The following BICD1 variants were observed in gnomAD, a reference collection of about 807,000 sequenced individuals.
BICD1 encodes the protein BICD cargo adaptor 1.
In BICD1, 35 loss-of-function variants were observed where a neutral mutation model predicts 92.5. That is an observed-to-expected ratio of 0.38 (90% CI 0.29 to 0.50). BICD1 has a LOEUF of 0.50. Ranked by LOEUF, BICD1 falls within the 20% of genes least tolerant of loss-of-function variation. The pLI is 0.93. For synonymous variants in BICD1, 429 were observed against 465.1 expected (o/e 0.92, Z 1.00); for missense variants, 950 against 1,189.8 (o/e 0.80, Z 2.97).
rs534702176 is a variant in BICD1, at chr12:32,304,031, G to A, written c.580-1666G>A. ...AGAGCTTGCAGTGAGCCGAGATCACGCCACTGCACTCCAGCCTGGGCGACA... is the reference window on the plus strand; with the variant it reads ...AGAGCTTGCAGTGAGCCGAGATCACACCACTGCACTCCAGCCTGGGCGACA... On this transcript the variant is annotated intron_variant, in intron 3 of 9. Transcript: ENST00000652176. 1.7e-3 allele frequency among the ~76,000 whole-genome samples: 264 copies of A among 151,770 alleles called. 7 individuals carry two copies. In the South Asian group the frequency reaches 0.049, roughly 28 times the overall value.
intron 3 of BICD1, among the ~76,000 whole-genome samples, chr12:32,294,364 T>C (rs1474735722): frequency 6.6e-6 from 1 of 152,192 alleles, no homozygotes; most frequent in East Asian, 1.9e-4. Flanking sequence ...TTTTATTGAA[T>C]AAGAAAAAGA....
At chr12:32,272,481 T>A (rs892501153) in intron 2 of BICD1, among the ~76,000 whole-genome samples, 7 of 152,212 alleles carry the variant, frequency 4.6e-5, no homozygotes, top group African/African-American at 1.7e-4. Flanking sequence ...TTACTTAATC[T>A]AAATGGGTCC....
intron 8 of BICD1, among the ~76,000 whole-genome samples, chr12:32,349,200 A>G (rs1029642472): frequency 6.6e-6 from 1 of 152,152 alleles, no homozygotes; most frequent in Non-Finnish European, 1.5e-5. Context: ...TGCTGTACTC[A>G]TACCTATTTA....
intron 1 of BICD1, among the ~76,000 whole-genome samples, chr12:32,157,803 G>A (rs1943484134): frequency 6.6e-6 from 1 of 151,928 alleles, no homozygotes. Flanking sequence ...ATGTTTCCAC[G>A]TATTCACTGC....
chr12:32,342,142 GTATATATA>G (rs1200865311), intron 8 of BICD1, among the ~76,000 whole-genome samples: 1 of 143,542 alleles, frequency 7.0e-6, no homozygotes, highest in African/African-American at 2.6e-5. Flanking sequence ...ATATATGTGT[GTATATATA>G]TGTGTGTATA....
intron 1 of BICD1, among the ~76,000 whole-genome samples, chr12:32,215,048 G>A (rs952923796): frequency 6.6e-6 from 1 of 152,152 alleles, no homozygotes; most frequent in African/African-American, 2.4e-5. Flanking sequence ...GGCCAACAAG[G>A]TGAAACCCCT....
chr12:32,333,360 C>T, intron 5 of BICD1: 3 of 836,234 alleles, frequency 3.6e-6, no homozygotes, highest in Non-Finnish European at 4.3e-6. Context: ...GAATTTAAAT[C>T]CAATCAAAAC....
chr12:32,293,958 A>G (rs202095295), intron 2 of BICD1, 36 bp from the exon 3 acceptor site: 1 of 1,581,948 alleles, frequency 6.3e-7, no homozygotes, highest in Non-Finnish European at 8.6e-7. Context: ...CTACAATAAG[A>G]GAGTTATATA....
intron 1 of BICD1, among the ~76,000 whole-genome samples, chr12:32,191,957 T>G (rs2121530993): frequency 6.6e-6 from 1 of 152,140 alleles, no homozygotes; most frequent in East Asian, 1.9e-4. Flanking sequence ...TGGCCTCTAA[T>G]TGTTCAAGTG....
intron 1 of BICD1, among the ~76,000 whole-genome samples, chr12:32,148,090 C>T (rs1010290223): frequency 2.9e-5 from 4 of 136,988 alleles, no homozygotes; most frequent in East Asian, 2.2e-4. Flanking sequence ...TACAGTGAGC[C>T]GTGATGACAC....
chr12:32,276,753 C>T (rs578212954), intron 2 of BICD1, among the ~76,000 whole-genome samples: 13 of 152,114 alleles, frequency 8.5e-5, no homozygotes, highest in Non-Finnish European at 1.8e-4. Flanking sequence ...GCAGTTATTT[C>T]CTACAGAAGA....
At chr12:32,236,771 A>G (rs1033681099) in intron 2 of BICD1, among the ~76,000 whole-genome samples, 2 of 152,150 alleles carry the variant, frequency 1.3e-5, no homozygotes, top group African/African-American at 2.4e-5. Context: ...CACAAATGAT[A>G]AGAAAGTGAA....
chr12:32,296,252 T>G (rs1051443493), intron 3 of BICD1, among the ~76,000 whole-genome samples: 1 of 42,092 alleles, frequency 2.4e-5, no homozygotes, highest in Non-Finnish European at 5.5e-5. Flanking sequence ...AGGGGTTTTT[T>G]TTTGTTTTTT....
chr12:32,366,219 A>G (rs1939519781), intron 8 of BICD1, among the ~76,000 whole-genome samples: 1 of 152,246 alleles, frequency 6.6e-6, no homozygotes, highest in Admixed American at 6.5e-5. Flanking sequence ...ATAACAGAAT[A>G]TAACAGTGAT....
chr12:32,215,096 A>G (rs751222299), intron 1 of BICD1, among the ~76,000 whole-genome samples: 10 of 152,060 alleles, frequency 6.6e-5, no homozygotes, highest in South Asian at 4.1e-4. Flanking sequence ...GGGCATGGTG[A>G]TGGGCGTCTG....
At chr12:32,365,130 G>A (rs1359665830) in intron 8 of BICD1, among the ~76,000 whole-genome samples, 1 of 151,882 alleles carries the variant, frequency 6.6e-6, no homozygotes, top group South Asian at 2.1e-4. Context: ...CCAACTACTC[G>A]GGAGGCTGAG....
intron 1 of BICD1, among the ~76,000 whole-genome samples, chr12:32,169,778 CAG>C (rs1448983843): frequency 5.3e-5 from 8 of 149,794 alleles, no homozygotes; most frequent in African/African-American, 1.7e-4. Context: ...TTTTTTGAGA[CAG>C]AGTCTCACTG....
chr12:32,357,885 T>C (rs1471564195), intron 8 of BICD1, among the ~76,000 whole-genome samples: 1 of 152,184 alleles, frequency 6.6e-6, no homozygotes, highest in Non-Finnish European at 1.5e-5. Context: ...TTCTGAGAGT[T>C]AGGGCTTCAA....
chr12:32,228,669 A>T (rs1372335804), intron 2 of BICD1, among the ~76,000 whole-genome samples: 1 of 152,146 alleles, frequency 6.6e-6, no homozygotes, highest in Non-Finnish European at 1.5e-5. Flanking sequence ...AATTTTTGAG[A>T]GTAGCCCCAA....
Sources: allele counts gnomAD v4.1 joint callset (sites outside exome capture counted in the v4.1 genomes callset), GRCh38; gene constraint gnomAD v4.1.1; transcripts MANE v1.5; gene names NCBI Gene and HGNC (gene_info 2026-07-23, HGNC 2026-07-21).